Variants in PYY observed in about 807,000 individuals in gnomAD.
The protein encoded by PYY is peptide YY, also known as peptide tyrosine tyrosine.
PYY carries 12 observed loss-of-function variants against 10.3 expected under a neutral mutation model. The ratio of observed to expected loss-of-function variants is 1.17; its 90% CI spans 0.75 to 1.89. The LOEUF (loss-of-function observed/expected upper bound fraction) is 1.89, where lower values mean the gene tolerates loss of function less well. Among genes scored for constraint, PYY ranks in the 40% most tolerant of loss-of-function variants. The probability of loss-of-function intolerance (pLI) is 0.00; values close to 1 mark genes in which losing one functional copy is unlikely to be tolerated. For synonymous variants in PYY, 66 were observed against 62.0 expected (o/e 1.06, Z -0.30); for missense variants, 141 against 134.0 (o/e 1.05, Z -0.26).
chr17:43,984,157 G>A (rs535546606), intron 1 of PYY, among the ~76,000 whole-genome samples: 3 of 134,984 alleles, frequency 2.2e-5, no homozygotes, highest in Admixed American at 1.5e-4. Context: ...GTCGCTGTTA[G>A]GGGGGGCGCC....
chr17:43,975,231 T>C, intron 1 of PYY, among the ~76,000 whole-genome samples: 1 of 152,202 alleles, frequency 6.6e-6, no homozygotes, highest in East Asian at 1.9e-4. Context: ...TGTCTTTCCT[T>C]TCCACATACT....
At chr17:43,964,052 CT>C (rs34634253) in intron 2 of PYY, among the ~76,000 whole-genome samples, 126,394 of 151,966 alleles carry the variant, frequency 0.83, 52,946 homozygotes, top group East Asian at 1. Flanking sequence ...TTCTTTCTTT[CT>C]TTTTTTTGGG....
intron 1 of PYY, among the ~76,000 whole-genome samples, chr17:43,994,891 G>A (rs762472475): frequency 2.6e-5 from 4 of 152,180 alleles, no homozygotes; most frequent in Admixed American, 6.5e-5. Context: ...GGGGAAAGGC[G>A]GTAAGCATGA....
chr17:43,986,500 A>C (rs1422043131), intron 1 of PYY, among the ~76,000 whole-genome samples: 1 of 152,198 alleles, frequency 6.6e-6, no homozygotes, highest in South Asian at 2.1e-4. Flanking sequence ...GCTTAAAGGA[A>C]AGGAGTTTGA....
chr17:44,001,366 G>A (rs2049025510), intron 1 of PYY, among the ~76,000 whole-genome samples: 1 of 152,160 alleles, frequency 6.6e-6, no homozygotes, highest in African/African-American at 2.4e-5. Context: ...AATGACAACA[G>A]GCTCTGCTCT....
At chr17:43,967,410 G>A (rs796675930) in intron 1 of PYY, among the ~76,000 whole-genome samples, 16 of 152,260 alleles carry the variant, frequency 1.1e-4, no homozygotes, top group African/African-American at 3.9e-4. Flanking sequence ...CACAGCAGGC[G>A]AGCCCCATAC....
chr17:43,960,532 C>CAAAAAAAA (rs1170040925), intron 2 of PYY, among the ~76,000 whole-genome samples: 7 of 58,996 alleles, frequency 1.2e-4, no homozygotes, highest in East Asian at 6.2e-4. Flanking sequence ...GACTTTGTCT[C>CAAAAAAAA]AAAAAAAAAA....
chr17:43,997,801 T>C (rs542075953), intron 1 of PYY, among the ~76,000 whole-genome samples: 1 of 152,214 alleles, frequency 6.6e-6, no homozygotes, highest in African/African-American at 2.4e-5. Flanking sequence ...TTTAGGAAGC[T>C]ATTTCTTCAA....
rs1214043548 is a variant in PYY at position 43,988,786 on chromosome 17, G to A, written c.-463+15605C>T. 9.9e-5 allele frequency among the ~76,000 whole-genome samples: 14 copies of A among 141,068 alleles called. 1 individual carries two copies. The highest frequency in any genetic ancestry group is 1.2e-4 in the Non-Finnish European group (8 of 66,442). 92.5% of individuals were successfully genotyped at this position (141,068 alleles called of 152,430 possible). On this transcript the variant is annotated intron_variant, in intron 1 of 6. Transcript: ENST00000360085. ...CTTTCTGTCTTTTTTTTTTTGAGAC[G>A]GAGTATCACTCTGTCACCCAGGCTG...
At chr17:43,989,126 A>G (rs75691457) in intron 1 of PYY, among the ~76,000 whole-genome samples, 54,548 of 150,802 alleles carry the variant, frequency 0.36, 12,303 homozygotes, top group Middle Eastern at 0.55. Context: ...TGTAATCCCA[A>G]GACTTCGGGA....
At chr17:43,988,040 G>A (rs922985806) in intron 1 of PYY, among the ~76,000 whole-genome samples, 1 of 152,086 alleles carries the variant, frequency 6.6e-6, no homozygotes, top group Non-Finnish European at 1.5e-5. Flanking sequence ...CAGGGCCACA[G>A]CCACACGCCA....
chr17:43,989,149 C>A (rs1000068285), intron 1 of PYY, among the ~76,000 whole-genome samples: 14 of 151,774 alleles, frequency 9.2e-5, no homozygotes, highest in Admixed American at 2.0e-4. Context: ...CCAAGGCGGG[C>A]GGATCACGAG....
At chr17:43,981,551 G>A (rs1399504976) in intron 1 of PYY, among the ~76,000 whole-genome samples, 2 of 151,880 alleles carry the variant, frequency 1.3e-5, no homozygotes, top group Admixed American at 6.6e-5. Flanking sequence ...GTGTAATGGC[G>A]TGATCTCAGC....
chr17:43,997,359 G>A (rs2048998331), intron 1 of PYY, among the ~76,000 whole-genome samples: 1 of 152,098 alleles, frequency 6.6e-6, no homozygotes, highest in African/African-American at 2.4e-5. Context: ...ATTTTAAACA[G>A]GGTGGTAACA....
chr17:43,952,928 C>T lies in PYY; in HGVS notation c.*28G>A. ...ATGCAAATGACGTGGGCGTGGTTGG[C>T]AGATCTCCCAGGAGGCCTCAGGGGT... On this transcript the variant is annotated 3_prime_UTR_variant, in exon 4 of 4. Coordinates refer to ENST00000692052, the MANE Select transcript of PYY (RefSeq NM_001394028.1). The T allele has an allele frequency of 6.5e-7, 1 of 1,531,480 alleles. No individual in the cohort carries two copies. Among genetic ancestry groups the T allele is most frequent in the Non-Finnish European group, 8.7e-7 (1 of 1,143,930 alleles). 94.9% of individuals were successfully genotyped at this position (1,531,480 alleles called of 1,614,324 possible). A position where few individuals can be genotyped will look rare whatever the true frequency, so the allele number is the denominator to read the frequency against.
chr17:43,969,515 CAAAAA>C (rs71361552), intron 1 of PYY, among the ~76,000 whole-genome samples: 2 of 90,454 alleles, frequency 2.2e-5, no homozygotes, highest in African/African-American at 4.1e-5. Context: ...GACTCTGTCT[CAAAAA>C]AAAAAAAAAA....
rs149261820 is a variant in PYY at position 44,003,716 on chromosome 17, C to G, written c.-463+675G>C. 6.7e-5 allele frequency among the ~76,000 whole-genome samples: 10 copies of G among 148,588 alleles called. No individual in the cohort carries two copies. The East Asian group carries it at 2.0e-3, about 30-fold the overall frequency. ...GGGTTACAGAGGTCGAGTGAAGTAGCTCACACCTGTAATCCCAGCACCTTG... is the reference window on the plus strand; with the variant it reads ...GGGTTACAGAGGTCGAGTGAAGTAGGTCACACCTGTAATCCCAGCACCTTG... On this transcript the variant is annotated intron_variant, in intron 1 of 6. Transcript: ENST00000360085.
At chr17:43,995,591 T>C (rs2048986006) in intron 1 of PYY, among the ~76,000 whole-genome samples, 1 of 152,158 alleles carries the variant, frequency 6.6e-6, no homozygotes, top group Admixed American at 6.5e-5. Flanking sequence ...CCCAGTGCTT[T>C]GGGAGGCCCA....
At chr17:44,001,516 GA>G (rs2049026684) in intron 1 of PYY, among the ~76,000 whole-genome samples, 1 of 151,846 alleles carries the variant, frequency 6.6e-6, no homozygotes, top group Non-Finnish European at 1.5e-5. Context: ...TTCTCCTCCA[GA>G]AAGCAGGGCC....
Sources: allele counts gnomAD v4.1 joint callset (sites outside exome capture counted in the v4.1 genomes callset), GRCh38; gene constraint gnomAD v4.1.1; transcripts MANE v1.5; gene names NCBI Gene and HGNC (gene_info 2026-07-23, HGNC 2026-07-21).